Variants in RAD51B observed in about 807,000 individuals in gnomAD.
The protein encoded by RAD51B is DNA repair protein RAD51 homolog 2.
In RAD51B, 38 loss-of-function variants were observed where a neutral mutation model predicts 42.2. That is an observed-to-expected ratio of 0.90 (90% CI 0.70 to 1.18). The LOEUF (loss-of-function observed/expected upper bound fraction) is 1.18, where lower values mean the gene tolerates loss of function less well. Among genes scored for constraint, RAD51B ranks in the 50% most tolerant of loss-of-function variants. RAD51B has a pLI of 0.00. For synonymous variants in RAD51B, 154 were observed against 145.2 expected, an observed-to-expected ratio of 1.06 and a Z score of -0.43; for missense variants, 373 against 400.7, an observed-to-expected ratio of 0.93 and a Z score of 0.59.
At chr14:68,132,774 C>T (rs1439534457) in intron 7 of RAD51B, among the ~76,000 whole-genome samples, 1 of 152,248 alleles carries the variant, frequency 6.6e-6, no homozygotes, top group African/African-American at 2.4e-5. Flanking sequence ...CTTACTCTCT[C>T]ATGCACATTA....
chr14:68,539,010 C>G (rs1052594850), intron 10 of RAD51B, among the ~76,000 whole-genome samples: 2 of 152,210 alleles, frequency 1.3e-5, no homozygotes, highest in African/African-American at 2.4e-5. Flanking sequence ...TCTACAACTT[C>G]CCTCAAAGAA....
chr14:68,471,105 C>T (rs761805984), intron 10 of RAD51B, among the ~76,000 whole-genome samples: 19 of 152,200 alleles, frequency 1.2e-4, no homozygotes, highest in African/African-American at 3.6e-4. Flanking sequence ...AGGTGAGCCC[C>T]GAGTTGGTGT....
At chr14:67,876,431 C>T (rs1341778209) in intron 5 of RAD51B, among the ~76,000 whole-genome samples, 1 of 152,048 alleles carries the variant, frequency 6.6e-6, no homozygotes, top group East Asian at 1.9e-4. Context: ...GGTTTTGCTC[C>T]TTAATTGACA....
intron 7 of RAD51B, among the ~76,000 whole-genome samples, chr14:68,283,184 A>C (rs897151665): frequency 7.2e-5 from 11 of 152,200 alleles, no homozygotes; most frequent in East Asian, 3.8e-4. Context: ...AGAGCCCAGG[A>C]GTACACATGA....
intron 7 of RAD51B, among the ~76,000 whole-genome samples, chr14:68,060,629 A>G (rs146912615): frequency 7.2e-5 from 11 of 152,300 alleles, no homozygotes; most frequent in Non-Finnish European, 1.2e-4. Context: ...CAACTTTCCA[A>G]TTCTGATTGT....
intron 7 of RAD51B, among the ~76,000 whole-genome samples, chr14:68,180,179 T>A (rs1455125305): frequency 6.6e-6 from 1 of 152,172 alleles, no homozygotes; most frequent in African/African-American, 2.4e-5. Context: ...ATACCCCAAC[T>A]TTGAATGGAT....
chr14:68,054,189 G>A (rs8022206), intron 7 of RAD51B, among the ~76,000 whole-genome samples: 26,408 of 152,066 alleles, frequency 0.17, 2,473 homozygotes, highest in Middle Eastern at 0.35. Flanking sequence ...AGTTGTTCCA[G>A]TAATGGCCTT....
chr14:68,630,489 C>T (rs935899285), intron 10 of RAD51B, among the ~76,000 whole-genome samples: 3 of 152,076 alleles, frequency 2.0e-5, no homozygotes, highest in Admixed American at 6.6e-5. Context: ...ATAGCATGGC[C>T]GTCCCTACCC....
In RAD51B at chr14:67,870,983, A is replaced by G. The variant is rs1211396155; in HGVS notation, c.452+5844A>G. Among the ~76,000 whole-genome samples the G allele has an allele frequency of 4.0e-5, 6 of 151,396 alleles. No homozygotes were observed. The East Asian group carries it at 1.2e-3, about 29-fold the overall frequency. ...GCACTAAATGCCCACAAGAGAAAGC[A>G]GGAAAGATCCAAAATTGACAGCCTA... On this transcript the variant is annotated intron_variant, in intron 5 of 10. Transcript: ENST00000471583.
chr14:68,171,864 G>A (rs1022713468), intron 7 of RAD51B, among the ~76,000 whole-genome samples: 6 of 151,656 alleles, frequency 4.0e-5, no homozygotes, highest in Non-Finnish European at 8.8e-5. Flanking sequence ...CCACCACCAA[G>A]CCCTGCTAAT....
intron 7 of RAD51B, among the ~76,000 whole-genome samples, chr14:68,193,852 C>T (rs1042746177): frequency 1.3e-5 from 2 of 152,132 alleles, no homozygotes; most frequent in Admixed American, 6.5e-5. Flanking sequence ...CACCTTTCAA[C>T]GCTTTTTTTT....
intron 7 of RAD51B, among the ~76,000 whole-genome samples, chr14:67,938,452 A>G (rs2045036587): frequency 6.6e-6 from 1 of 152,248 alleles, no homozygotes; most frequent in Non-Finnish European, 1.5e-5. Flanking sequence ...TTGCTCCTTC[A>G]AGTGGAGGGA....
chr14:68,065,078 A>G lies in RAD51B; in HGVS notation c.756+177874A>G, dbSNP rs149021184. 2.7e-3 allele frequency among the ~76,000 whole-genome samples: 411 copies of G among 152,272 alleles called. 2 individuals carry two copies. Among genetic ancestry groups the G allele is most frequent in the African/African-American group, 9.6e-3 (400 of 41,548 alleles). On this transcript the variant is annotated intron_variant, in intron 7 of 10. Transcript: ENST00000471583. ...TTGATATCTGTGCATCTGGTGGAAC[A>G]GTTGCCTATTCCAATTTTGTAGAGG...
chr14:68,279,900 C>A (rs1459496784), intron 7 of RAD51B, among the ~76,000 whole-genome samples: 2 of 152,166 alleles, frequency 1.3e-5, no homozygotes, highest in Non-Finnish European at 2.9e-5. Context: ...AAGACAAATG[C>A]CCAAATGGAA....
chr14:67,996,412 TAATA>T (rs139583137), intron 7 of RAD51B, among the ~76,000 whole-genome samples: 23,424 of 147,328 alleles, frequency 0.16, 1,969 homozygotes, highest in African/African-American at 0.22. Context: ...ATAACAACAA[TAATA>T]AATAAATAAA....
At chr14:67,901,853 T>C (rs1285301742) in intron 7 of RAD51B, among the ~76,000 whole-genome samples, 1 of 151,656 alleles carries the variant, frequency 6.6e-6, no homozygotes, top group Non-Finnish European at 1.5e-5. Flanking sequence ...AGTGAAATAA[T>C]GTGTACCCAT....
At chr14:67,940,795 C>G (rs529621359) in intron 7 of RAD51B, among the ~76,000 whole-genome samples, 6 of 151,786 alleles carry the variant, frequency 4.0e-5, no homozygotes, top group Admixed American at 6.6e-5. Flanking sequence ...AAAAAAAACA[C>G]AGAAAAATAC....
intron 7 of RAD51B, among the ~76,000 whole-genome samples, chr14:68,030,372 A>AT (rs2076022472): frequency 6.6e-6 from 1 of 152,026 alleles, no homozygotes; most frequent in South Asian, 2.1e-4. Context: ...TCTTATCTAG[A>AT]TTTTCTGGAT....
intron 7 of RAD51B, among the ~76,000 whole-genome samples, chr14:68,143,023 G>T (rs113761324): frequency 3.3e-5 from 5 of 151,478 alleles, no homozygotes; most frequent in Non-Finnish European, 4.4e-5. Context: ...GAGGGGGTGG[G>T]GGGGGAGTTA....
Sources: allele counts gnomAD v4.1 joint callset (sites outside exome capture counted in the v4.1 genomes callset), GRCh38; gene constraint gnomAD v4.1.1; transcripts MANE v1.5; gene names NCBI Gene and HGNC (gene_info 2026-07-23, HGNC 2026-07-21).